BCAS1: variants seen among roughly 807,000 people sequenced by gnomAD.
The protein encoded by BCAS1 is brain enriched myelin associated protein 1.
A neutral mutation model predicts 65.4 loss-of-function variants in BCAS1; 46 were observed. That is an observed-to-expected ratio of 0.70 (90% CI 0.55 to 0.90). The LOEUF (loss-of-function observed/expected upper bound fraction) is 0.90. BCAS1 is among the 40% of genes least tolerant of loss of function. The probability of loss-of-function intolerance (pLI) is 0.00; values close to 1 mark genes in which losing one functional copy is unlikely to be tolerated. For synonymous variants in BCAS1, 298 were observed against 293.5 expected (o/e 1.02, Z -0.16); for missense variants, 793 against 771.2 (o/e 1.03, Z -0.33).
intron 10 of BCAS1, among the ~76,000 whole-genome samples, chr20:53,966,637 A>T (rs1006188753): frequency 2.0e-5 from 3 of 152,234 alleles, no homozygotes; most frequent in Non-Finnish European, 4.4e-5. Flanking sequence ...AATAAAAAAA[A>T]TTCCAACCCA....
chr20:53,955,200 G>A (rs537159474), intron 11 of BCAS1, among the ~76,000 whole-genome samples: 9 of 152,160 alleles, frequency 5.9e-5, no homozygotes, highest in East Asian at 3.9e-4. Flanking sequence ...AAGACAAACA[G>A]CAGAGACTCC....
chr20:53,989,912 AAATT>A (rs2090711165), intron 7 of BCAS1, among the ~76,000 whole-genome samples: 1 of 152,204 alleles, frequency 6.6e-6, no homozygotes, highest in South Asian at 2.1e-4. Flanking sequence ...ACTTATATTT[AAATT>A]AAAAAGTTAT....
intron 4 of BCAS1, among the ~76,000 whole-genome samples, chr20:54,027,391 T>C (rs1330736345): frequency 1.3e-5 from 2 of 152,234 alleles, no homozygotes; most frequent in African/African-American, 4.8e-5. Context: ...GAGTAGAGCC[T>C]GGCACATTGA....
chr20:54,052,877 C>T (rs528118479), intron 3 of BCAS1, among the ~76,000 whole-genome samples: 6 of 152,204 alleles, frequency 3.9e-5, no homozygotes, highest in South Asian at 2.1e-4. Context: ...GACCATTGTA[C>T]GGATATACCC....
rs377166049 is a variant in BCAS1 at position 53,992,563 on chromosome 20, G to A, written c.1011C>T (p.His337=). 496 of 1,365,260 alleles carry A rather than the reference G, an allele frequency of 3.6e-4. 9 individuals carry two copies. The Admixed American group carries it at 8.9e-3, about 24-fold the overall frequency. The allele number at this position is 1,365,260 out of a possible 1,614,324, so 84.6% of individuals were successfully genotyped here. ...EIQARGTKKK[H]LDSPRLGLAF... ...CGAGTCCTAGCCTGGGGCTATCCAG[G>A]TGCTTTTTCTTGGTGCCTCTAGCCT... Residue 337 remains histidine, a synonymous_variant, in exon 7 of 13, where the codon CAC becomes CAT. Coordinates refer to ENST00000688948, the MANE Select transcript of BCAS1 (RefSeq NM_001366298.2).
rs71196437 is a variant in BCAS1, at chr20:53,954,294, G to GGAGAGAGAGAGAGA, written c.1552-613_1552-600dup. Among the ~76,000 whole-genome samples, 444 of 125,880 alleles carry GGAGAGAGAGAGAGA rather than the reference G, an allele frequency of 3.5e-3. 11 individuals carry two copies. The highest frequency in any genetic ancestry group is 6.1e-3 in the African/African-American group (195 of 31,718). 82.6% of individuals were successfully genotyped at this position (125,880 alleles called of 152,430 possible). A position where few individuals can be genotyped will look rare whatever the true frequency, so the allele number is the denominator to read the frequency against. The stretch of plus-strand genomic sequence containing the variant: ...ACAGAGAAAATCACAGCTGAGAAAT[G>GGAGAGAGAGAGAGA]GAGAGAGAGAGAGAGAGAGAGAGAG... On this transcript the variant is annotated intron_variant, in intron 11 of 12. Transcript: ENST00000688948.
intron 11 of BCAS1, among the ~76,000 whole-genome samples, chr20:53,956,025 A>G (rs2089686891): frequency 6.6e-6 from 1 of 152,246 alleles, no homozygotes; most frequent in Non-Finnish European, 1.5e-5. Context: ...TACAGTCATT[A>G]CCGTCCATTT....
intron 3 of BCAS1, among the ~76,000 whole-genome samples, chr20:54,041,626 G>A (rs1241079515): frequency 6.6e-6 from 1 of 152,136 alleles, no homozygotes; most frequent in Non-Finnish European, 1.5e-5. Context: ...CTTAACGCCT[G>A]TAATCCTAGC....
intron 12 of BCAS1, among the ~76,000 whole-genome samples, chr20:53,946,234 C>G (rs562049068): frequency 6.6e-6 from 1 of 152,052 alleles, no homozygotes; most frequent in East Asian, 1.9e-4. Flanking sequence ...TTCTGTCCCC[C>G]CTCAGATCTT....
chr20:54,001,097 T>C (rs926563511), intron 4 of BCAS1, among the ~76,000 whole-genome samples: 9 of 152,224 alleles, frequency 5.9e-5, no homozygotes, highest in Admixed American at 5.9e-4. Context: ...TTGAACTTTG[T>C]TTTTGGAGGT....
At chr20:53,949,125 G>A (rs1430378655) in intron 12 of BCAS1, among the ~76,000 whole-genome samples, 1 of 152,054 alleles carries the variant, frequency 6.6e-6, no homozygotes, top group East Asian at 1.9e-4. Flanking sequence ...TTAGGGGAAG[G>A]GAGAAACCCA....
At chr20:53,989,744 A>G (rs1253539792) in intron 7 of BCAS1, among the ~76,000 whole-genome samples, 1 of 152,186 alleles carries the variant, frequency 6.6e-6, no homozygotes, top group Non-Finnish European at 1.5e-5. Context: ...AGGAGACTAC[A>G]AAAATTTTAA....
At chr20:54,055,094 C>T (rs2092276659) in intron 3 of BCAS1, among the ~76,000 whole-genome samples, 1 of 151,944 alleles carries the variant, frequency 6.6e-6, no homozygotes, top group Admixed American at 6.6e-5. Context: ...TTTCTCAATC[C>T]CAACAATTTT....
chr20:54,016,319 T>A (rs1026447649), intron 4 of BCAS1, among the ~76,000 whole-genome samples: 1 of 152,252 alleles, frequency 6.6e-6, no homozygotes, highest in Non-Finnish European at 1.5e-5. Context: ...ACATTATTTT[T>A]AAACATTTTT....
rs1292933455 is a variant in BCAS1 at position 54,066,097 on chromosome 20, A to G, written c.-6+4336T>C. The stretch of plus-strand genomic sequence containing the variant: ...TTTTTCTTTTTTTTTTTTTGAGGCG[A>G]AGTCTGGCTCTGTCGCCCAGGCTGG... On this transcript the variant is annotated intron_variant, in intron 1 of 12. Transcript: ENST00000688948. Among the ~76,000 whole-genome samples the G allele has an allele frequency of 2.2e-4, 32 of 147,492 alleles. No homozygotes were observed. The East Asian group carries it at 6.0e-3, about 28-fold the overall frequency.
At chr20:54,014,205 C>T (rs1040231477) in intron 4 of BCAS1, among the ~76,000 whole-genome samples, 11 of 152,206 alleles carry the variant, frequency 7.2e-5, no homozygotes, top group Admixed American at 5.2e-4. Context: ...TATACGGAAA[C>T]AGAAACATTC....
chr20:54,021,191 A>C (rs1356812536), intron 4 of BCAS1, among the ~76,000 whole-genome samples: 1 of 152,088 alleles, frequency 6.6e-6, no homozygotes, highest in Non-Finnish European at 1.5e-5. Context: ...AATTTCACCA[A>C]AGGGCTCTGA....
chr20:53,972,475 C>A (rs1239356205), intron 9 of BCAS1, among the ~76,000 whole-genome samples: 1 of 152,196 alleles, frequency 6.6e-6, no homozygotes, highest in East Asian at 1.9e-4. Flanking sequence ...AAAGTCCCTG[C>A]CAATCAGTGT....
intron 9 of BCAS1, among the ~76,000 whole-genome samples, chr20:53,971,383 G>A (rs1568827737): frequency 6.6e-6 from 1 of 152,202 alleles, no homozygotes; most frequent in Non-Finnish European, 1.5e-5. Context: ...ACTGATAGCT[G>A]GCTTGTAGCA....
Sources: allele counts gnomAD v4.1 joint callset (sites outside exome capture counted in the v4.1 genomes callset), GRCh38; gene constraint gnomAD v4.1.1; transcripts MANE v1.5; gene names NCBI Gene and HGNC (gene_info 2026-07-23, HGNC 2026-07-21).